The following PTPN11 variants were observed in gnomAD, a reference collection of about 807,000 sequenced individuals.
The protein encoded by PTPN11 is tyrosine-protein phosphatase non-receptor type 11.
Under a neutral mutation model 78.8 loss-of-function variants are expected in PTPN11, and 6 were observed. The observed-to-expected ratio is 0.08, with a 90% confidence interval of 0.04 to 0.15. The LOEUF (loss-of-function observed/expected upper bound fraction) is 0.15, where lower values mean the gene tolerates loss of function less well. Ranked by LOEUF, PTPN11 falls within the 10% of genes least tolerant of loss-of-function variation. The pLI, the probability that PTPN11 is intolerant of heterozygous loss-of-function variation, is 1.00. For synonymous variants in PTPN11, 221 were observed against 263.5 expected (o/e 0.84, Z 1.56); for missense variants, 386 against 744.8 (o/e 0.52, Z 5.61).
At chr12:112,444,037 C>T (rs1277908732) in intron 1 of PTPN11, among the ~76,000 whole-genome samples, 1 of 152,068 alleles carries the variant, frequency 6.6e-6, no homozygotes, top group East Asian at 1.9e-4. Flanking sequence ...GTGATCTTCC[C>T]ATCACAGCCC....
chr12:112,473,139 A>C, intron 7 of PTPN11, 99 bp downstream of exon 7: 1 of 975,256 alleles, frequency 1.0e-6, no homozygotes, highest in African/African-American at 1.6e-5. Flanking sequence ...TTGTTAGCAC[A>C]TCGGAGGCCT....
At chr12:112,439,605 A>G (rs2037849922) in intron 1 of PTPN11, among the ~76,000 whole-genome samples, 1 of 151,996 alleles carries the variant, frequency 6.6e-6, no homozygotes, top group South Asian at 2.1e-4. Flanking sequence ...AGTAGCTGGG[A>G]CTATAGGCGC....
chr12:112,432,896 T>C (rs1369760552), intron 1 of PTPN11, among the ~76,000 whole-genome samples: 2 of 151,864 alleles, frequency 1.3e-5, no homozygotes, highest in African/African-American at 4.8e-5. Flanking sequence ...AGTCTTGCTG[T>C]GTCACCCAGG....
intron 6 of PTPN11, among the ~76,000 whole-genome samples, chr12:112,459,472 G>GT (rs1211222862): frequency 7.1e-6 from 1 of 141,682 alleles, no homozygotes; most frequent in Non-Finnish European, 1.5e-5. Context: ...GTTTTGTTTT[G>GT]TTTTTTGTTT....
intron 12 of PTPN11, 144 bp downstream of exon 12, chr12:112,488,654 C>A: frequency 1.1e-6 from 1 of 882,500 alleles, no homozygotes; most frequent in Non-Finnish European, 1.8e-6. Flanking sequence ...GTGTGTCTGC[C>A]TGAGAACAGA....
At chr12:112,442,877 T>TATATAA (rs1415088606) in intron 1 of PTPN11, among the ~76,000 whole-genome samples, 70 of 70,118 alleles carry the variant, frequency 1.0e-3, no homozygotes, top group African/African-American at 3.8e-3. Context: ...TATATATATA[T>TATATAA]AAATTATATA....
intron 6 of PTPN11, among the ~76,000 whole-genome samples, chr12:112,465,776 T>C (rs1033518311): frequency 6.6e-6 from 1 of 152,222 alleles, no homozygotes. Context: ...GAGATTCTCA[T>C]TGACTCGGAT....
intron 10 of PTPN11, among the ~76,000 whole-genome samples, chr12:112,484,757 C>CA (rs2038647954): frequency 6.6e-6 from 1 of 152,106 alleles, no homozygotes; most frequent in Non-Finnish European, 1.5e-5. Flanking sequence ...CGTGGTGGCT[C>CA]ACGCCTGTAA....
At chr12:112,433,951 C>G (rs551261922) in intron 1 of PTPN11, among the ~76,000 whole-genome samples, 3 of 151,934 alleles carry the variant, frequency 2.0e-5, no homozygotes, top group Admixed American at 2.0e-4. Flanking sequence ...GAGTGGGACC[C>G]TATCTCAAAA....
intron 6 of PTPN11, among the ~76,000 whole-genome samples, chr12:112,460,114 G>C (rs540934736): frequency 1.6e-4 from 24 of 151,984 alleles, no homozygotes; most frequent in African/African-American, 5.8e-4. Flanking sequence ...CACCTGGCTA[G>C]TTTTTGTATT....
rs561976282 is a variant in PTPN11 at position 112,432,510 on chromosome 12, A to G, written c.14+13385A>G. On this transcript the variant is annotated intron_variant, in intron 1 of 15. Coordinates refer to ENST00000351677, the MANE Select transcript of PTPN11 (RefSeq NM_002834.5). The stretch of plus-strand genomic sequence containing the variant: ...GTGAAACCCTGTCTCTGCTAAAAAC[A>G]TACAAACAATTAGCCAGGCATGGTG... 2.0e-5 allele frequency among the ~76,000 whole-genome samples: 3 copies of G among 152,010 alleles called. No individual in the cohort carries two copies. The South Asian group carries it at 6.3e-4, about 32-fold the overall frequency.
At chr12:112,493,128 G>A (rs999659068) in intron 13 of PTPN11, among the ~76,000 whole-genome samples, 1 of 150,660 alleles carries the variant, frequency 6.6e-6, no homozygotes, top group Admixed American at 6.6e-5. Flanking sequence ...CCACAATCTC[G>A]GCTCATTACA....
intron 13 of PTPN11, among the ~76,000 whole-genome samples, chr12:112,491,904 G>A (rs574578877): frequency 5.3e-5 from 8 of 152,048 alleles, no homozygotes; most frequent in African/African-American, 1.2e-4. Context: ...ATGGAGCTTC[G>A]CCGTGTTGCC....
chr12:112,477,778 AT>A lies in PTPN11; in HGVS notation c.933+53del, dbSNP rs1300849489. On this transcript the variant is annotated intron_variant, in intron 8 of 15. Coordinates refer to ENST00000351677, the MANE Select transcript of PTPN11 (RefSeq NM_002834.5). ...TTTTCTGACCATACATTTCTAGCCT[AT>A]TTTTGTATTTTAAATCCTTCCTCAT... The A allele has an allele frequency of 1.9e-6, 3 of 1,604,944 alleles. No individual in the cohort carries two copies. In the Admixed American group the frequency reaches 5.0e-5, roughly 27 times the overall value.
At chr12:112,458,050 T>C (rs2038190641) in intron 6 of PTPN11, among the ~76,000 whole-genome samples, 1 of 152,212 alleles carries the variant, frequency 6.6e-6, no homozygotes, top group Non-Finnish European at 1.5e-5. Context: ...TATTTGTGGA[T>C]TGAATGAATA....
intron 1 of PTPN11, among the ~76,000 whole-genome samples, chr12:112,429,609 CTGGCCAACATGG>C (rs1179243543): frequency 6.6e-6 from 1 of 150,722 alleles, no homozygotes; most frequent in African/African-American, 2.4e-5. Context: ...CGAGACCAGC[CTGGCCAACATGG>C]TGAAACCCTG....
At chr12:112,445,745 G>A (rs1361810717) in intron 1 of PTPN11, among the ~76,000 whole-genome samples, 1 of 150,866 alleles carries the variant, frequency 6.6e-6, no homozygotes. Flanking sequence ...GGGTTCAAGC[G>A]ATTCTCCTGC....
chr12:112,449,895 A>G (rs896339897), intron 2 of PTPN11, among the ~76,000 whole-genome samples: 1 of 152,050 alleles, frequency 6.6e-6, no homozygotes, highest in Admixed American at 6.6e-5. Flanking sequence ...GAGAAACCTC[A>G]TCTCTACTAA....
intron 9 of PTPN11, 122 bp downstream of exon 9, chr12:112,478,137 G>A: frequency 8.8e-7 from 1 of 1,136,404 alleles, no homozygotes; most frequent in Non-Finnish European, 1.3e-6. Context: ...CTGGAAAAAA[G>A]GGACTAGGAG....
Sources: allele counts gnomAD v4.1 joint callset (sites outside exome capture counted in the v4.1 genomes callset), GRCh38; gene constraint gnomAD v4.1.1; transcripts MANE v1.5; gene names NCBI Gene and HGNC (gene_info 2026-07-23, HGNC 2026-07-21).